The following N4BP2 variants were observed in gnomAD, a reference collection of about 807,000 sequenced individuals.
N4BP2 encodes NEDD4 binding protein 2, also known as NEDD4-binding protein 2.
In N4BP2, 91 loss-of-function variants were observed where a neutral mutation model predicts 152.8. That is an observed-to-expected ratio of 0.60 (90% CI 0.50 to 0.71). N4BP2 has a LOEUF of 0.71. Among genes scored for constraint, N4BP2 ranks in the 30% least tolerant of loss-of-function variants. N4BP2 has a pLI of 0.00. For missense variants in N4BP2, 1,923 were observed against 2,059.1 expected, an observed-to-expected ratio of 0.93 and a Z score of 1.28; for synonymous variants, 646 against 705.3, an observed-to-expected ratio of 0.92 and a Z score of 1.33.
intron 2 of N4BP2, among the ~76,000 whole-genome samples, chr4:40,078,532 T>C (rs888885669): frequency 4.0e-5 from 6 of 151,568 alleles, no homozygotes; most frequent in Admixed American, 1.3e-4. Flanking sequence ...TTTTTTTTAC[T>C]TTTTTTCTTT....
chr4:40,136,835 A>C, intron 13 of N4BP2, 109 bp from the exon 14 acceptor site: 2 of 766,938 alleles, frequency 2.6e-6, no homozygotes, highest in South Asian at 5.4e-5. Flanking sequence ...ACTTAAAAGT[A>C]AGCCAGTTTT....
chr4:40,077,400 G>A (rs1712859740), intron 2 of N4BP2, among the ~76,000 whole-genome samples: 2 of 150,900 alleles, frequency 1.3e-5, no homozygotes, highest in Admixed American at 6.6e-5. Context: ...TGCCTGCCTC[G>A]GCCTCCCAAA....
chr4:40,104,387 G>A (rs1716038825), intron 4 of N4BP2, among the ~76,000 whole-genome samples: 2 of 147,094 alleles, frequency 1.4e-5, no homozygotes, highest in African/African-American at 5.0e-5. Flanking sequence ...ACTGGAGAAT[G>A]TCCTTCATAA....
chr4:40,070,067 T>C lies in N4BP2; in HGVS notation c.-211-3388T>C, dbSNP rs145418454. Among the ~76,000 whole-genome samples, 1,044 of 152,282 alleles carry C rather than the reference T, an allele frequency of 6.9e-3. 5 individuals carry two copies. Among genetic ancestry groups the C allele is most frequent in the Non-Finnish European group, 9.4e-3 (638 of 68,024 alleles). The stretch of plus-strand genomic sequence containing the variant: ...CATGGTACATTTTAAAAACTTTCAT[T>C]AGGAAAATAGAGATATAGAAAAGTA... On this transcript the variant is annotated intron_variant, in intron 1 of 17. Transcript: ENST00000261435.
At chr4:40,099,071 T>C (rs955226563) in intron 3 of N4BP2, among the ~76,000 whole-genome samples, 1 of 152,236 alleles carries the variant, frequency 6.6e-6, no homozygotes, top group African/African-American at 2.4e-5. Flanking sequence ...GGCTTTTTTT[T>C]CTTAGTTCCA....
At chr4:40,059,683 C>T (rs1045774060) in intron 1 of N4BP2, among the ~76,000 whole-genome samples, 1 of 152,124 alleles carries the variant, frequency 6.6e-6, no homozygotes, top group African/African-American at 2.4e-5. Flanking sequence ...CCTACCTTGC[C>T]TGATAATGAG....
At chr4:40,088,597 T>C (rs543201076) in intron 2 of N4BP2, among the ~76,000 whole-genome samples, 19 of 151,288 alleles carry the variant, frequency 1.3e-4, no homozygotes, top group Middle Eastern at 3.4e-3. Flanking sequence ...GCCTCCCGGG[T>C]TCAAGTGATT....
intron 1 of N4BP2, among the ~76,000 whole-genome samples, chr4:40,071,143 C>T (rs1712132760): frequency 6.6e-6 from 1 of 152,056 alleles, no homozygotes; most frequent in African/African-American, 2.4e-5. Flanking sequence ...TCTCTTCTAC[C>T]CATCCACCTC....
At chr4:40,158,609 C>T (rs112350263), downstream of N4BP2, among the ~76,000 whole-genome samples, 698 of 152,012 alleles carry the variant, frequency 4.6e-3, 9 homozygotes, top group African/African-American at 0.016. Flanking sequence ...ACCAGCCTGG[C>T]CAACATGGTG....
chr4:40,119,975 A>C lies in N4BP2; in HGVS notation c.1864A>C (p.Ile622Leu). The change falls in exon 9 of 18, where the codon ATT becomes CTT. Residue 622 changes from isoleucine to leucine, a missense_variant. Coordinates refer to ENST00000261435, the MANE Select transcript of N4BP2 (RefSeq NM_018177.6). ...TATTATCTCTGAAAAAGAAGAAAAT[A>C]TTTTATCTTTATCTTTGAAGCATCT... is the stretch of plus-strand genomic sequence containing the variant. ...EDIISEKEEN[I>L]LSLSLKHLEF... 6.6e-7 allele frequency: 1 copy of C among 1,518,124 alleles called. No homozygotes were observed. Among genetic ancestry groups the C allele is most frequent in the Non-Finnish European group, 9.0e-7 (1 of 1,117,250 alleles). 94.0% of individuals were successfully genotyped at this position (1,518,124 alleles called of 1,614,324 possible). A position where few individuals can be genotyped will look rare whatever the true frequency, so the allele number is the denominator to read the frequency against.
chr4:40,124,445 C>T (rs2110002934), intron 11 of N4BP2, among the ~76,000 whole-genome samples: 1 of 152,192 alleles, frequency 6.6e-6, no homozygotes, highest in Non-Finnish European at 1.5e-5. Flanking sequence ...CTCCTGGGTT[C>T]AAGCAATTCT....
the N4BP2 span, among the ~76,000 whole-genome samples, chr4:40,182,784 C>G: frequency 4.8e-3 from 732 of 152,224 alleles, 11 homozygotes; most frequent in African/African-American, 0.017. Flanking sequence ...TCAAGCGATT[C>G]TCCTGTCTCA....
At chr4:40,079,182 A>C (rs1197261916) in intron 2 of N4BP2, among the ~76,000 whole-genome samples, 1 of 152,148 alleles carries the variant, frequency 6.6e-6, no homozygotes, top group Admixed American at 6.6e-5. Flanking sequence ...TCGGCCTCCC[A>C]AAGTGCTGGG....
At chr4:40,061,765 A>G (rs1733674382) in intron 1 of N4BP2, among the ~76,000 whole-genome samples, 1 of 151,462 alleles carries the variant, frequency 6.6e-6, no homozygotes, top group Non-Finnish European at 1.5e-5. Context: ...ACCACATTCA[A>G]GTGATTCTCC....
the N4BP2 span, among the ~76,000 whole-genome samples, chr4:40,190,030 C>T: frequency 6.6e-6 from 1 of 152,102 alleles, no homozygotes; most frequent in African/African-American, 2.4e-5. Context: ...AAGGACTTTC[C>T]TGACCATCCT....
chr4:40,101,300 G>GCA (rs1451821890), intron 3 of N4BP2, among the ~76,000 whole-genome samples: 1 of 152,114 alleles, frequency 6.6e-6, no homozygotes, highest in Non-Finnish European at 1.5e-5. Flanking sequence ...GGGATTACAG[G>GCA]CATGCGCCGC....
chr4:40,121,878 C>T lies in N4BP2; in HGVS notation c.3767C>T (p.Ala1256Val), dbSNP rs771324922. The change falls in exon 9 of 18, where the codon GCT becomes GTT. Residue 1256 changes from alanine to valine, a missense_variant. Coordinates refer to ENST00000261435, the MANE Select transcript of N4BP2 (RefSeq NM_018177.6). The stretch of plus-strand genomic sequence containing the variant: ...CAGTCCTTTCCAGGTATTCTAAAAG[C>T]TACTACTCCTAAAGATATGAGTGAA... ...SKQSFPGILKATTPKDMSETE... is the reference protein window; with the variant it reads ...SKQSFPGILKVTTPKDMSETE... 6.2e-7 allele frequency: 1 copy of T among 1,612,088 alleles called. No homozygotes were observed. Among genetic ancestry groups the T allele is most frequent in the Non-Finnish European group, 8.5e-7 (1 of 1,179,480 alleles).
intron 16 of N4BP2, among the ~76,000 whole-genome samples, chr4:40,147,023 A>C (rs1367758145): frequency 1.3e-5 from 2 of 149,580 alleles, no homozygotes; most frequent in Admixed American, 1.3e-4. Flanking sequence ...CAAGTGAACA[A>C]AGGTCTCTGG....
intron 2 of N4BP2, among the ~76,000 whole-genome samples, chr4:40,081,981 G>A (rs1206321834): frequency 6.6e-6 from 1 of 151,826 alleles, no homozygotes; most frequent in Non-Finnish European, 1.5e-5. Flanking sequence ...GTGTGGTGGC[G>A]CATGCCTGTA....
Sources: gnomAD v4.1 joint callset for allele counts (sites outside exome capture counted in the v4.1 genomes callset) on GRCh38, gnomAD v4.1.1 for gene constraint, MANE v1.5 for transcripts, NCBI Gene and HGNC (gene_info 2026-07-23, HGNC 2026-07-21) for gene names.